The following KCNJ6 variants were observed in gnomAD, a reference collection of about 807,000 sequenced individuals.
The protein encoded by KCNJ6 is G protein-activated inward rectifier potassium channel 2.
A neutral mutation model predicts 34.2 loss-of-function variants in KCNJ6; 9 were observed. That is an observed-to-expected ratio of 0.26 (90% CI 0.16 to 0.46). The LOEUF is 0.46. Ranked by LOEUF, KCNJ6 falls within the 20% of genes least tolerant of loss-of-function variation. The pLI, the probability that KCNJ6 is intolerant of heterozygous loss-of-function variation, is 1.00. For synonymous variants in KCNJ6, 196 were observed against 207.1 expected, an observed-to-expected ratio of 0.95 and a Z score of 0.46; for missense variants, 236 against 531.3, an observed-to-expected ratio of 0.44 and a Z score of 5.46.
intron 2 of KCNJ6, among the ~76,000 whole-genome samples, chr21:37,729,616 G>A (rs529081225): frequency 2.1e-3 from 323 of 152,310 alleles, no homozygotes; most frequent in Non-Finnish European, 3.7e-3. Flanking sequence ...GAGCCACCAT[G>A]CCCAGCCCCT....
At chr21:37,842,738 A>G (rs1418071813) in intron 1 of KCNJ6, among the ~76,000 whole-genome samples, 1 of 152,136 alleles carries the variant, frequency 6.6e-6, no homozygotes, top group Non-Finnish European at 1.5e-5. Context: ...TCTTACCACA[A>G]TGCCGGTTCA....
chr21:37,814,850 A>C (rs2055338688), intron 2 of KCNJ6, among the ~76,000 whole-genome samples: 1 of 142,346 alleles, frequency 7.0e-6, no homozygotes, highest in Admixed American at 7.2e-5. Flanking sequence ...GTCAGCCGAG[A>C]TGTGCCACTG....
chr21:37,673,969 G>T (rs2054553178), intron 3 of KCNJ6, among the ~76,000 whole-genome samples: 1 of 152,136 alleles, frequency 6.6e-6, no homozygotes, highest in South Asian at 2.1e-4. Flanking sequence ...TCCATGCTGT[G>T]ACTTTGAGCC....
chr21:37,622,346 T>C lies in KCNJ6; in HGVS notation c.*2813A>G, dbSNP rs2123358761. 6.6e-6 allele frequency: 1 copy of C among 152,282 alleles called. No homozygotes were observed. Among genetic ancestry groups the C allele is most frequent in the East Asian group, 1.9e-4 (1 of 5,184 alleles). 9.4% of individuals were successfully genotyped at this position (152,282 alleles called of 1,614,324 possible). Reference sequence around the variant, plus strand: ...TGCGGAATAGAATGAGTGGAAATTGTGGGGTCAATTTTGTTGAGCTGTCTT... The same window carrying C: ...TGCGGAATAGAATGAGTGGAAATTGCGGGGTCAATTTTGTTGAGCTGTCTT... On this transcript the variant is annotated 3_prime_UTR_variant, in exon 4 of 4. Transcript: ENST00000609713.
At chr21:37,683,125 C>T (rs1459745634) in intron 3 of KCNJ6, among the ~76,000 whole-genome samples, 1 of 152,194 alleles carries the variant, frequency 6.6e-6, no homozygotes, top group African/African-American at 2.4e-5. Context: ...ATCATATTAC[C>T]ATCCTGATTT....
intron 3 of KCNJ6, among the ~76,000 whole-genome samples, chr21:37,708,731 T>C (rs2054734414): frequency 6.6e-6 from 1 of 152,070 alleles, no homozygotes; most frequent in African/African-American, 2.4e-5. Context: ...AGATAAAAAA[T>C]GGTAAAATTG....
intron 3 of KCNJ6, among the ~76,000 whole-genome samples, chr21:37,702,995 G>A (rs1424082985): frequency 6.6e-6 from 1 of 152,102 alleles, no homozygotes; most frequent in Non-Finnish European, 1.5e-5. Flanking sequence ...CATTTGAGAT[G>A]GGAAGTAAGA....
chr21:37,868,292 T>C lies in KCNJ6; in HGVS notation c.-27-27583A>G, dbSNP rs189211726. Among the ~76,000 whole-genome samples, 6 of 152,348 alleles carry C rather than the reference T, an allele frequency of 3.9e-5. No homozygotes were observed. In the East Asian group the frequency reaches 1.2e-3, roughly 29 times the overall value. On this transcript the variant is annotated intron_variant, in intron 1 of 3. Coordinates refer to ENST00000609713, the MANE Select transcript of KCNJ6 (RefSeq NM_002240.5). Reference sequence around the variant, plus strand: ...AGTTTAGGGCAAGTTGTATGAGATCTGCGATTACAGAGATTTGTACTGTCT... The same window carrying C: ...AGTTTAGGGCAAGTTGTATGAGATCCGCGATTACAGAGATTTGTACTGTCT...
At chr21:37,660,882 T>C (rs1356839146) in intron 3 of KCNJ6, among the ~76,000 whole-genome samples, 1 of 152,190 alleles carries the variant, frequency 6.6e-6, no homozygotes, top group Non-Finnish European at 1.5e-5. Flanking sequence ...ATTTGCATGA[T>C]TTTAAGGTTG....
At chr21:37,781,731 C>T (rs2055170532) in intron 2 of KCNJ6, among the ~76,000 whole-genome samples, 3 of 152,098 alleles carry the variant, frequency 2.0e-5, no homozygotes, top group Admixed American at 6.6e-5. Context: ...GATAAGATTG[C>T]ATAGTATTTT....
chr21:37,735,146 T>C (rs2054906406), intron 2 of KCNJ6, among the ~76,000 whole-genome samples: 3 of 152,094 alleles, frequency 2.0e-5, no homozygotes, highest in Admixed American at 6.6e-5. Context: ...GAAAGAGACA[T>C]GACTCAGTCA....
intron 2 of KCNJ6, among the ~76,000 whole-genome samples, chr21:37,770,788 T>A (rs1170053829): frequency 6.6e-6 from 1 of 152,216 alleles, no homozygotes; most frequent in African/African-American, 2.4e-5. Flanking sequence ...AATAGTTATA[T>A]TTTTTCCTAT....
At chr21:37,668,204 C>T (rs1365028760) in intron 3 of KCNJ6, among the ~76,000 whole-genome samples, 1 of 152,114 alleles carries the variant, frequency 6.6e-6, no homozygotes, top group African/African-American at 2.4e-5. Context: ...TGGTCTTCTG[C>T]CTCAGAGCCC....
chr21:37,707,921 T>C (rs570791138), intron 3 of KCNJ6, among the ~76,000 whole-genome samples: 1 of 151,970 alleles, frequency 6.6e-6, no homozygotes, highest in African/African-American at 2.4e-5. Context: ...ATCTCCTAAT[T>C]TGGATGATGC....
At chr21:37,749,866 G>A (rs754623842) in intron 2 of KCNJ6, among the ~76,000 whole-genome samples, 14 of 152,254 alleles carry the variant, frequency 9.2e-5, no homozygotes, top group South Asian at 2.1e-4. Flanking sequence ...CAAGACATTC[G>A]TCAAAGGGCA....
intron 2 of KCNJ6, among the ~76,000 whole-genome samples, chr21:37,740,319 G>T (rs858019): frequency 0.98 from 148,544 of 152,164 alleles, 72,541 homozygotes; most frequent in East Asian, 1. Flanking sequence ...ATAAGAATCG[G>T]TTACAATCTA....
At chr21:37,866,518 G>A (rs1259310110) in intron 1 of KCNJ6, among the ~76,000 whole-genome samples, 4 of 152,192 alleles carry the variant, frequency 2.6e-5, no homozygotes, top group Non-Finnish European at 4.4e-5. Flanking sequence ...TGCAGCTTTT[G>A]CTAAAGGAAC....
chr21:37,716,414 C>A (rs902806425), intron 2 of KCNJ6, among the ~76,000 whole-genome samples: 3 of 145,868 alleles, frequency 2.1e-5, no homozygotes, highest in Non-Finnish European at 3.0e-5. Flanking sequence ...GGGTCTCGCT[C>A]TGCCACCCAG....
intron 2 of KCNJ6, among the ~76,000 whole-genome samples, chr21:37,828,929 T>C (rs1381334045): frequency 6.6e-6 from 1 of 152,182 alleles, no homozygotes; most frequent in East Asian, 1.9e-4. Context: ...CAAATGGCCA[T>C]TTGTTTGCAG....
Sources: allele counts gnomAD v4.1 joint callset (sites outside exome capture counted in the v4.1 genomes callset), GRCh38; gene constraint gnomAD v4.1.1; transcripts MANE v1.5; gene names NCBI Gene and HGNC (gene_info 2026-07-23, HGNC 2026-07-21).